The following PDGFD variants were observed in gnomAD, a reference collection of about 807,000 sequenced individuals.
PDGFD encodes the protein platelet-derived growth factor D.
PDGFD carries 30 observed loss-of-function variants against 44.7 expected under a neutral mutation model. The ratio of observed to expected loss-of-function variants is 0.67; its 90% CI spans 0.50 to 0.91. The LOEUF (loss-of-function observed/expected upper bound fraction) is 0.91. Ranked by LOEUF, PDGFD falls within the 40% of genes least tolerant of loss-of-function variation. The pLI is 0.00. For synonymous variants in PDGFD, 173 were observed against 168.4 expected, an observed-to-expected ratio of 1.03 and a Z score of -0.21; for missense variants, 445 against 457.8, an observed-to-expected ratio of 0.97 and a Z score of 0.25.
intron 3 of PDGFD, among the ~76,000 whole-genome samples, chr11:103,986,396 A>T (rs2134355712): frequency 6.6e-6 from 1 of 152,194 alleles, no homozygotes; most frequent in South Asian, 2.1e-4. Flanking sequence ...TAAAACATAA[A>T]ACTCACTGTG....
chr11:103,954,137 T>G (rs1302529251), intron 3 of PDGFD, among the ~76,000 whole-genome samples: 2 of 151,728 alleles, frequency 1.3e-5, no homozygotes, highest in African/African-American at 4.8e-5. Flanking sequence ...TCAGAAAGGG[T>G]TTCTCCAGAG....
At chr11:103,911,411 A>C (rs1858026728) in intron 6 of PDGFD, among the ~76,000 whole-genome samples, 1 of 152,214 alleles carries the variant, frequency 6.6e-6, no homozygotes, top group South Asian at 2.1e-4. Flanking sequence ...AAAAGTAACA[A>C]ACAGAAAGGA....
chr11:103,924,342 G>C lies in PDGFD; in HGVS notation c.987+2570C>G, dbSNP rs200296268. Among the ~76,000 whole-genome samples the C allele has an allele frequency of 3.3e-5, 5 of 152,170 alleles. No homozygotes were observed. In the East Asian group the frequency reaches 9.6e-4, roughly 29 times the overall value. ...TTACTGCATTCTGCATTTATCCTTGGGGTATGATTAAAGGTTATAAAATTC... is the reference window on the plus strand; with the variant it reads ...TTACTGCATTCTGCATTTATCCTTGCGGTATGATTAAAGGTTATAAAATTC... On this transcript the variant is annotated intron_variant, in intron 6 of 6. Coordinates refer to ENST00000393158, the MANE Select transcript of PDGFD (RefSeq NM_025208.5).
intron 1 of PDGFD, among the ~76,000 whole-genome samples, chr11:104,012,803 T>C (rs11226112): frequency 0.3 from 45,456 of 152,158 alleles, 8,185 homozygotes; most frequent in Admixed American, 0.48. Flanking sequence ...CTTTTAGTAC[T>C]GTAATATTTA....
intron 6 of PDGFD, among the ~76,000 whole-genome samples, chr11:103,920,216 A>G (rs1268350865): frequency 6.6e-6 from 1 of 152,246 alleles, no homozygotes; most frequent in Non-Finnish European, 1.5e-5. Context: ...CATGCTCATG[A>G]ATTTTGAAAA....
At chr11:103,943,394 CT>C in intron 5 of PDGFD, 57 bp downstream of exon 5, 1 of 1,504,596 alleles carries the variant, frequency 6.6e-7, no homozygotes. Context: ...GGATACTCAG[CT>C]TGTACTGTTA....
rs755978570 is a variant in PDGFD at position 103,943,408 on chromosome 11, A to G, written c.772+44T>C. ...GGGATACTCAGCTTGTACTGTTAAG[A>G]TTTCTATGTGCTTATGAAGAATGTA... On this transcript the variant is annotated intron_variant, in intron 5 of 6. Coordinates refer to ENST00000393158, the MANE Select transcript of PDGFD (RefSeq NM_025208.5). 1.9e-5 allele frequency: 30 copies of G among 1,558,220 alleles called. No individual in the cohort carries two copies. The Middle Eastern group carries it at 6.8e-4, about 35-fold the overall frequency.
chr11:104,089,290 AT>A (rs1861177313), intron 1 of PDGFD, among the ~76,000 whole-genome samples: 2 of 152,190 alleles, frequency 1.3e-5, no homozygotes, highest in East Asian at 3.9e-4. Flanking sequence ...AAAAAGAAGA[AT>A]CTAGAGTGTA....
chr11:104,118,183 G>A (rs1436408769), intron 1 of PDGFD, among the ~76,000 whole-genome samples: 1 of 151,814 alleles, frequency 6.6e-6, no homozygotes, highest in Non-Finnish European at 1.5e-5. Flanking sequence ...GGATTATGAA[G>A]CCTAATCCTC....
At chr11:103,960,732 C>T (rs1168140500) in intron 3 of PDGFD, among the ~76,000 whole-genome samples, 1 of 152,126 alleles carries the variant, frequency 6.6e-6, no homozygotes, top group African/African-American at 2.4e-5. Context: ...GGATATGTAA[C>T]TTGTAAAGAA....
At chr11:104,124,239 G>A (rs547397934) in intron 1 of PDGFD, among the ~76,000 whole-genome samples, 4 of 152,190 alleles carry the variant, frequency 2.6e-5, no homozygotes, top group African/African-American at 7.2e-5. Context: ...AGCCAGATAA[G>A]AGGGAGGAAA....
intron 5 of PDGFD, among the ~76,000 whole-genome samples, chr11:103,941,242 C>T (rs1469644627): frequency 6.6e-6 from 1 of 151,996 alleles, no homozygotes; most frequent in Non-Finnish European, 1.5e-5. Flanking sequence ...TTCAAAGCTC[C>T]CTCAGGTATT....
intron 1 of PDGFD, among the ~76,000 whole-genome samples, chr11:104,082,647 T>C (rs914766554): frequency 6.6e-6 from 1 of 152,124 alleles, no homozygotes. Flanking sequence ...TGTTTTGTTT[T>C]TAGTGATGTG....
chr11:104,056,338 G>A (rs191958087), intron 1 of PDGFD, among the ~76,000 whole-genome samples: 118 of 152,106 alleles, frequency 7.8e-4, no homozygotes, highest in African/African-American at 2.8e-3. Context: ...ACAAAAATAC[G>A]GTCAAGTCTT....
chr11:103,961,652 C>G (rs935208228), intron 3 of PDGFD, among the ~76,000 whole-genome samples: 5 of 152,226 alleles, frequency 3.3e-5, no homozygotes, highest in African/African-American at 1.2e-4. Context: ...TCTTAATCAT[C>G]TATTCAGCGA....
intron 1 of PDGFD, among the ~76,000 whole-genome samples, chr11:104,132,717 C>T (rs923157036): frequency 1.3e-5 from 2 of 151,990 alleles, no homozygotes; most frequent in African/African-American, 4.8e-5. Flanking sequence ...TACCATTATC[C>T]TTTTCTCATC....
At chr11:104,124,415 A>T (rs1861815861) in intron 1 of PDGFD, among the ~76,000 whole-genome samples, 1 of 152,076 alleles carries the variant, frequency 6.6e-6, no homozygotes, top group Non-Finnish European at 1.5e-5. Flanking sequence ...TCCTGTATCA[A>T]CTTCCATTAG....
chr11:103,945,161 C>G (rs185080613), intron 4 of PDGFD, among the ~76,000 whole-genome samples: 1 of 152,194 alleles, frequency 6.6e-6, no homozygotes, highest in African/African-American at 2.4e-5. Context: ...AATCACAGTT[C>G]AAGCCATGTT....
intron 1 of PDGFD, among the ~76,000 whole-genome samples, chr11:104,028,779 TA>T (rs35709220): frequency 0.3 from 43,889 of 147,628 alleles, 7,905 homozygotes; most frequent in Admixed American, 0.49. Flanking sequence ...TGTTTTGAAG[TA>T]AAAAAAAAAT....
Sources: allele counts gnomAD v4.1 joint callset (sites outside exome capture counted in the v4.1 genomes callset), GRCh38; gene constraint gnomAD v4.1.1; transcripts MANE v1.5; gene names NCBI Gene and HGNC (gene_info 2026-07-23, HGNC 2026-07-21).